BPNT1: variants seen among roughly 807,000 people sequenced by gnomAD.
The protein encoded by BPNT1 is 3'(2'), 5'-bisphosphate nucleotidase 1.
In BPNT1, 28 loss-of-function variants were observed where a neutral mutation model predicts 36.9. The observed-to-expected ratio is 0.76, with a 90% CI of 0.56 to 1.04. BPNT1 has a LOEUF of 1.04. Among genes scored for constraint, BPNT1 ranks in the 50% least tolerant of loss-of-function variants. BPNT1 has a pLI of 0.00. For missense variants in BPNT1, 313 were observed against 372.9 expected (o/e 0.84, Z 1.32); for synonymous variants, 119 against 130.9 (o/e 0.91, Z 0.62).
intron 1 of BPNT1, among the ~76,000 whole-genome samples, chr1:220,089,071 A>T (rs1343205630): frequency 7.1e-6 from 1 of 140,120 alleles, no homozygotes; most frequent in African/African-American, 2.7e-5. Flanking sequence ...ACTGCACTCA[A>T]GCCTGGGCGA....
chr1:220,062,142 CT>C (rs973508667), intron 7 of BPNT1, among the ~76,000 whole-genome samples: 31 of 146,774 alleles, frequency 2.1e-4, no homozygotes, highest in Admixed American at 8.2e-4. Context: ...ACGCTTATTT[CT>C]TTTTTTTTTA....
At chr1:220,078,449 CTTATAT>C (rs967075844) in intron 2 of BPNT1, among the ~76,000 whole-genome samples, 20 of 132,912 alleles carry the variant, frequency 1.5e-4, no homozygotes, top group Non-Finnish European at 3.0e-4. Context: ...AATAATTATA[CTTATAT>C]ATAAATAATA....
At chr1:220,076,877 C>G (rs1193585992) in intron 2 of BPNT1, among the ~76,000 whole-genome samples, 1 of 151,938 alleles carries the variant, frequency 6.6e-6, no homozygotes, top group African/African-American at 2.4e-5. Context: ...TTATATTATT[C>G]CTGTTATATC....
intron 6 of BPNT1, 108 bp downstream of exon 6, chr1:220,067,194 T>C (rs1315770000): frequency 9.5e-6 from 4 of 419,384 alleles, no homozygotes; most frequent in African/African-American, 4.2e-5. Flanking sequence ...CCCCAGATGA[T>C]TGCATATGCA....
At chr1:220,059,589 G>A (rs561371436) in intron 8 of BPNT1, 97 bp downstream of exon 8, 107 of 936,654 alleles carry the variant, frequency 1.1e-4, no homozygotes, top group African/African-American at 4.6e-4. Flanking sequence ...CTTTTATATC[G>A]TAACAGTCTA....
At chr1:220,083,241 A>C (rs952812167) in intron 1 of BPNT1, among the ~76,000 whole-genome samples, 8 of 151,750 alleles carry the variant, frequency 5.3e-5, no homozygotes, top group Non-Finnish European at 7.4e-5. Context: ...CATCTCAAAA[A>C]AAAAAAAAAG....
At chr1:220,065,777 G>A (rs1287277388) in intron 6 of BPNT1, among the ~76,000 whole-genome samples, 5 of 152,118 alleles carry the variant, frequency 3.3e-5, no homozygotes, top group Non-Finnish European at 5.9e-5. Flanking sequence ...TAGCTATTAT[G>A]GTGATGATGA....
Position 220,057,747 on chromosome 1 carries a change from T to TA in BPNT1, c.*1096dup, listed in dbSNP as rs745438798. 63 of 752,018 alleles carry TA rather than the reference T, an allele frequency of 8.4e-5. No homozygotes were observed. The highest frequency in any genetic ancestry group is 9.9e-5 in the South Asian group (6 of 60,798). 46.6% of individuals were successfully genotyped at this position (752,018 alleles called of 1,614,324 possible). ...AAGAGCTAGGATTAAATAATTTATT[T>TA]AAAAAAAACTTTTCTCATAAATCTG... On this transcript the variant is annotated 3_prime_UTR_variant, in exon 9 of 9. Transcript: ENST00000322067.
rs1662712231 is a variant in BPNT1, at chr1:220,058,419, A to ATATAAAT, written c.*424_*425insATTTATA. 1.0e-6 allele frequency: 1 copy of ATATAAAT among 965,488 alleles called. No homozygotes were observed. The highest frequency in any genetic ancestry group is 1.2e-6 in the Non-Finnish European group (1 of 810,402). The allele number at this position is 965,488 out of a possible 1,614,324, so 59.8% of individuals were successfully genotyped here. A position where few individuals can be genotyped will look rare whatever the true frequency, so the allele number is the denominator to read the frequency against. On this transcript the variant is annotated 3_prime_UTR_variant, in exon 9 of 9. Transcript: ENST00000322067. ...AACTAAATATAAATCACTGCTCAAC[A>ATATAAAT]ATGAATAAAGGTGGAACTCTAATTC...
intron 7 of BPNT1, among the ~76,000 whole-genome samples, chr1:220,060,633 A>C (rs926348212): frequency 3.3e-5 from 5 of 152,222 alleles, no homozygotes; most frequent in Non-Finnish European, 4.4e-5. Flanking sequence ...TCTTGGGATC[A>C]CACGTATTGC....
chr1:220,071,084 T>C (rs1478715542), intron 4 of BPNT1, among the ~76,000 whole-genome samples: 1 of 151,682 alleles, frequency 6.6e-6, no homozygotes, highest in Non-Finnish European at 1.5e-5. Context: ...TTGGTCTCGA[T>C]CTCCTGACCT....
chr1:220,087,474 G>A (rs1655846092), intron 1 of BPNT1, among the ~76,000 whole-genome samples: 2 of 152,124 alleles, frequency 1.3e-5, no homozygotes, highest in African/African-American at 4.8e-5. Context: ...AGAATTGCTT[G>A]AACCTGGGAG....
chr1:220,065,876 G>T (rs1166380895), intron 6 of BPNT1, among the ~76,000 whole-genome samples: 1 of 152,140 alleles, frequency 6.6e-6, no homozygotes, highest in Non-Finnish European at 1.5e-5. Flanking sequence ...GAATTTTAAG[G>T]CATAAGCAAG....
rs1410605950 is a variant in BPNT1 at position 220,057,572 on chromosome 1, T to A, written c.*1272A>T. 5.3e-6 allele frequency: 1 copy of A among 188,256 alleles called. No individual in the cohort carries two copies. The highest frequency in any genetic ancestry group is 1.1e-5 in the Non-Finnish European group (1 of 88,734). 11.7% of individuals were successfully genotyped at this position (188,256 alleles called of 1,614,324 possible). A position where few individuals can be genotyped will look rare whatever the true frequency, so the allele number is the denominator to read the frequency against. ...TATATTAGCAGAATAATTTTAATAG[T>A]TTATGTTATAATCTCTCATTGGAAG... On this transcript the variant is annotated 3_prime_UTR_variant, in exon 9 of 9. Coordinates refer to ENST00000322067, the MANE Select transcript of BPNT1 (RefSeq NM_006085.6).
chr1:220,084,979 C>A (rs1655571322), intron 1 of BPNT1, among the ~76,000 whole-genome samples: 1 of 151,718 alleles, frequency 6.6e-6, no homozygotes, highest in Admixed American at 6.6e-5. Context: ...TTCTCTGGTC[C>A]AAACTGAATT....
chr1:220,088,765 G>A (rs1655999427), intron 1 of BPNT1, among the ~76,000 whole-genome samples: 2 of 150,524 alleles, frequency 1.3e-5, no homozygotes, highest in African/African-American at 4.9e-5. Flanking sequence ...ACTCCAGCCT[G>A]GGGGACAGAG....
chr1:220,088,003 G>C (rs1465171972), intron 1 of BPNT1, among the ~76,000 whole-genome samples: 2 of 151,816 alleles, frequency 1.3e-5, no homozygotes, highest in Non-Finnish European at 2.9e-5. Flanking sequence ...TCAGCCTCCC[G>C]AGTAGCTGGG....
intron 8 of BPNT1, among the ~76,000 whole-genome samples, chr1:220,059,326 G>A (rs1419872888): frequency 7.6e-6 from 1 of 132,046 alleles, no homozygotes; most frequent in African/African-American, 2.9e-5. Flanking sequence ...CTACAACCTC[G>A]GTTCACTACA....
At chr1:220,071,638 A>C (rs1477078693) in intron 4 of BPNT1, among the ~76,000 whole-genome samples, 1 of 152,288 alleles carries the variant, frequency 6.6e-6, no homozygotes, top group Non-Finnish European at 1.5e-5. Context: ...CATATAGACC[A>C]ATAGAATATA....
Sources: allele counts gnomAD v4.1 joint callset (sites outside exome capture counted in the v4.1 genomes callset), GRCh38; gene constraint gnomAD v4.1.1; transcripts MANE v1.5; gene names NCBI Gene and HGNC (gene_info 2026-07-23, HGNC 2026-07-21).